The following STXBP5L variants were observed in gnomAD, a reference collection of about 807,000 sequenced individuals.
STXBP5L encodes the protein syntaxin binding protein 5L.
STXBP5L carries 65 observed loss-of-function variants against 144.5 expected under a neutral mutation model. The observed-to-expected ratio is 0.45, with a 90% CI of 0.37 to 0.55. The LOEUF (loss-of-function observed/expected upper bound fraction) is 0.55, where lower values mean the gene tolerates loss of function less well. Ranked by LOEUF, STXBP5L falls within the 20% of genes least tolerant of loss-of-function variation. The pLI is 0.00. For synonymous variants in STXBP5L, 505 were observed against 469.6 expected (o/e 1.08, Z -0.97); for missense variants, 1,298 against 1,405.5 (o/e 0.92, Z 1.22).
At chr3:121,065,218 T>C (rs2041484655) in intron 5 of STXBP5L, among the ~76,000 whole-genome samples, 1 of 152,190 alleles carries the variant, frequency 6.6e-6, no homozygotes, top group African/African-American at 2.4e-5. Context: ...GCAGATGACA[T>C]TTTGGTAGAA....
At chr3:121,135,370 G>C (rs1385001135) in intron 7 of STXBP5L, among the ~76,000 whole-genome samples, 1 of 152,108 alleles carries the variant, frequency 6.6e-6, no homozygotes, top group Non-Finnish European at 1.5e-5. Flanking sequence ...CCTGTGAGGA[G>C]ACATTCAAAC....
At chr3:121,384,273 AT>A (rs935887001) in intron 22 of STXBP5L, among the ~76,000 whole-genome samples, 1 of 152,150 alleles carries the variant, frequency 6.6e-6, no homozygotes, top group African/African-American at 2.4e-5. Context: ...CCATGGCAGC[AT>A]GGCAGGGGGA....
chr3:121,195,294 G>A (rs938321306), intron 9 of STXBP5L, among the ~76,000 whole-genome samples: 3 of 151,900 alleles, frequency 2.0e-5, no homozygotes, highest in African/African-American at 7.3e-5. Flanking sequence ...TTTGTCAACC[G>A]TTTTGACCTT....
intron 15 of STXBP5L, among the ~76,000 whole-genome samples, chr3:121,254,447 A>C (rs1254187749): frequency 6.6e-6 from 1 of 152,184 alleles, no homozygotes; most frequent in East Asian, 1.9e-4. Context: ...AAATTTGTTG[A>C]GAGTAGTAAA....
chr3:121,025,023 T>C (rs1420938339), intron 3 of STXBP5L, among the ~76,000 whole-genome samples: 3 of 152,136 alleles, frequency 2.0e-5, no homozygotes, highest in Non-Finnish European at 2.9e-5. Flanking sequence ...GTGGCAAATA[T>C]TCCCCAAATT....
intron 2 of STXBP5L, among the ~76,000 whole-genome samples, chr3:120,948,086 A>G (rs1040218095): frequency 1.3e-5 from 2 of 151,754 alleles, no homozygotes; most frequent in Non-Finnish European, 3.0e-5. Flanking sequence ...TAGGGCTCCA[A>G]TTTCTTTACA....
chr3:121,253,938 C>A (rs1327439165), intron 15 of STXBP5L, among the ~76,000 whole-genome samples: 1 of 151,486 alleles, frequency 6.6e-6, no homozygotes, highest in Non-Finnish European at 1.5e-5. Flanking sequence ...CAGGCGTGAG[C>A]CACTGCGCCC....
intron 2 of STXBP5L, among the ~76,000 whole-genome samples, chr3:120,914,426 C>A (rs537742273): frequency 1.3e-5 from 2 of 151,958 alleles, no homozygotes; most frequent in African/African-American, 4.8e-5. Context: ...GGATTTATAA[C>A]AATGATGCTC....
chr3:121,386,628 C>T (rs1029861078), intron 22 of STXBP5L, among the ~76,000 whole-genome samples: 1 of 152,098 alleles, frequency 6.6e-6, no homozygotes, highest in African/African-American at 2.4e-5. Context: ...GTTCAATTCC[C>T]ACCTATGAGT....
chr3:121,315,155 A>C (rs1443584993), intron 19 of STXBP5L, among the ~76,000 whole-genome samples: 1 of 152,182 alleles, frequency 6.6e-6, no homozygotes, highest in Non-Finnish European at 1.5e-5. Context: ...AAAGGATTAT[A>C]AATCATGCTG....
chr3:121,010,772 C>T lies in STXBP5L; in HGVS notation c.288-30928C>T, dbSNP rs145590648. On this transcript the variant is annotated intron_variant, in intron 3 of 26. Coordinates refer to ENST00000471454, the MANE Select transcript of STXBP5L (RefSeq NM_001308330.2). Reference sequence around the variant, plus strand: ...AGAGAAAGGAAAATATTAAGAAAATCATAAGAAAGAGAAAATATATTTATT... The same window carrying T: ...AGAGAAAGGAAAATATTAAGAAAATTATAAGAAAGAGAAAATATATTTATT... Among the ~76,000 whole-genome samples the T allele has an allele frequency of 5.3e-3, 809 of 151,852 alleles. 11 individuals are homozygous for T. Among genetic ancestry groups the T allele is most frequent in the African/African-American group, 0.019 (777 of 41,460 alleles).
At chr3:120,936,084 A>G (rs549662868) in intron 2 of STXBP5L, among the ~76,000 whole-genome samples, 26 of 151,972 alleles carry the variant, frequency 1.7e-4, no homozygotes, top group African/African-American at 5.1e-4. Context: ...GAAAATTTCT[A>G]TTGAATTTTC....
intron 20 of STXBP5L, among the ~76,000 whole-genome samples, chr3:121,324,336 T>C (rs2044074899): frequency 6.6e-6 from 1 of 152,106 alleles, no homozygotes; most frequent in South Asian, 2.1e-4. Context: ...AAACAGTCCT[T>C]TGTTGGAGCA....
At chr3:121,132,294 G>A (rs1407756416) in intron 7 of STXBP5L, among the ~76,000 whole-genome samples, 1 of 152,124 alleles carries the variant, frequency 6.6e-6, no homozygotes, top group Admixed American at 6.6e-5. Flanking sequence ...GCTTCTTTGG[G>A]GGTGCCAAAA....
chr3:121,028,370 T>C (rs1213672908), intron 3 of STXBP5L, among the ~76,000 whole-genome samples: 1 of 152,094 alleles, frequency 6.6e-6, no homozygotes, highest in Non-Finnish European at 1.5e-5. Context: ...TGGTACTCTA[T>C]AACTTGCTTG....
chr3:121,407,215 T>C (rs781613847), intron 22 of STXBP5L, 28 bp from the exon 23 acceptor site: 2 of 1,527,684 alleles, frequency 1.3e-6, no homozygotes, highest in Non-Finnish European at 1.8e-6. Context: ...GAATTTGACA[T>C]GTCAGTGATG....
chr3:121,071,118 C>T (rs2041792856), intron 5 of STXBP5L, among the ~76,000 whole-genome samples: 1 of 151,940 alleles, frequency 6.6e-6, no homozygotes, highest in Non-Finnish European at 1.5e-5. Flanking sequence ...CATCCTGGTC[C>T]CCAATTATAA....
intron 3 of STXBP5L, among the ~76,000 whole-genome samples, chr3:121,003,140 C>A (rs1307826064): frequency 6.6e-6 from 1 of 152,164 alleles, no homozygotes; most frequent in Non-Finnish European, 1.5e-5. Context: ...CACTGACTTC[C>A]ACAATGGTTG....
chr3:121,255,624 G>A (rs925323703), intron 16 of STXBP5L, among the ~76,000 whole-genome samples: 1 of 151,726 alleles, frequency 6.6e-6, no homozygotes, highest in Non-Finnish European at 1.5e-5. Flanking sequence ...TAATTTTTAA[G>A]TTTATCTGAT....
Sources: gnomAD v4.1 joint callset for allele counts (sites outside exome capture counted in the v4.1 genomes callset) on GRCh38, gnomAD v4.1.1 for gene constraint, MANE v1.5 for transcripts, NCBI Gene and HGNC (gene_info 2026-07-23, HGNC 2026-07-21) for gene names.